ITGAD: variants seen among roughly 807,000 people sequenced by gnomAD.
ITGAD encodes the protein integrin subunit alpha D.
ITGAD carries 105 observed loss-of-function variants against 139.0 expected under a neutral mutation model. The observed-to-expected ratio is 0.76, with a 90% CI of 0.65 to 0.89. ITGAD has a LOEUF of 0.89. ITGAD is among the 40% of genes least tolerant of loss of function. The pLI, the probability that ITGAD is intolerant of heterozygous loss-of-function variation, is 0.00. For synonymous variants in ITGAD, 569 were observed against 598.3 expected (o/e 0.95, Z 0.71); for missense variants, 1,384 against 1,487.3 (o/e 0.93, Z 1.14).
At position 31,407,878 on chromosome 16, in the gene ITGAD, T is replaced by A. The variant is rs1444873222; in HGVS notation, c.971T>A (p.Ile324Asn). The change falls in exon 9 of 30, where the codon ATC (isoleucine) becomes AAC (asparagine). Residue 324 changes from isoleucine to asparagine, a missense_variant. Ile to Asn is a moderately radical substitution (Grantham distance 149). Coordinates refer to ENST00000389202, the MANE Select transcript of ITGAD (RefSeq NM_005353.3). ...GACAACTTTGCAGCCCTTGGCAGCA[T>A]CCAGAAGCAGCTGCAGGAGAAGATC... ...KVDNFAALGSIQKQLQEKIYA... is the reference protein window; with the variant it reads ...KVDNFAALGSNQKQLQEKIYA... 3 of 1,598,638 alleles carry A rather than the reference T, an allele frequency of 1.9e-6. No homozygotes were observed. The South Asian group carries it at 3.3e-5, about 18-fold the overall frequency.
At position 31,424,211 on chromosome 16, in the gene ITGAD, C is replaced by A; in HGVS notation, c.3261+8C>A. ...GCATTTATGAGAGCTCAGGTAGAGA[C>A]CATGTGGAGGGCAGCGACCAGCTGG... On this transcript the variant is annotated splice_region_variant and intron_variant, in intron 28 of 29. Transcript: ENST00000389202. 6.2e-7 allele frequency: 1 copy of A among 1,613,906 alleles called. No individual in the cohort carries two copies. The highest frequency in any genetic ancestry group is 8.5e-7 in the Non-Finnish European group (1 of 1,179,794).
intron 3 of ITGAD, 37 bp downstream of exon 3, chr16:31,397,499 C>T: frequency 6.3e-7 from 1 of 1,580,382 alleles, no homozygotes; most frequent in Middle Eastern, 1.7e-4. Flanking sequence ...CCTCAACCCT[C>T]CTGGACCCAA....
rs1438725981 is a variant in ITGAD at position 31,407,846 on chromosome 16, CA to C, written c.941del (p.Lys314ArgfsTer72). 1 of 1,609,390 alleles carries C rather than the reference CA, an allele frequency of 6.2e-7. No individual in the cohort carries two copies. ...CAGCGCCTCCGCAGGACCACGTGTT[CA>C]AGGTGGACAACTTTGCAGCCCTTGG... ...SSAPPQDHVF[K>X]VDNFAALGSI... On this transcript the variant is annotated frameshift_variant, in exon 9 of 30. Coordinates refer to ENST00000389202, the MANE Select transcript of ITGAD (RefSeq NM_005353.3). LOFTEE classifies it high-confidence loss of function.
intron 16 of ITGAD, 107 bp downstream of exon 16, chr16:31,413,353 A>G: frequency 8.4e-7 from 1 of 1,187,868 alleles, no homozygotes; most frequent in Non-Finnish European, 1.2e-6. Flanking sequence ...CTCCACATTC[A>G]CTCACCACCT....
At position 31,412,853 on chromosome 16, in the gene ITGAD, C is replaced by T. The variant is rs1183602842; in HGVS notation, c.1723C>T (p.Gln575Ter). 7 of 1,614,066 alleles carry T rather than the reference C, an allele frequency of 4.3e-6. No individual in the cohort carries two copies. Among genetic ancestry groups the T allele is most frequent in the Non-Finnish European group, 5.9e-6 (7 of 1,180,030 alleles). Reference protein sequence around the residue: ...PSHSQRIASSQLSPRLQYFGQ... With the variant: ...PSHSQRIASS ...TTCTGGCCAGCGGATTGCCAGCTCCCAGCTCTCCCCCAGGCTGCAGTATTT... is the reference window on the plus strand; with the variant it reads ...TTCTGGCCAGCGGATTGCCAGCTCCTAGCTCTCCCCCAGGCTGCAGTATTT... The change falls in exon 15 of 30, where the codon CAG (glutamine) becomes TAG (stop). Residue 575 changes from glutamine to a stop codon, truncating the protein, a stop_gained. Transcript: ENST00000389202. LOFTEE classifies it high-confidence loss of function.
rs1597116732 is a variant in ITGAD, at chr16:31,402,441, A to G, written c.558+196A>G. 1.8e-5 allele frequency: 8 copies of G among 449,166 alleles called. No individual in the cohort carries two copies. In the East Asian group the frequency reaches 2.6e-4, roughly 15 times the overall value. The allele number at this position is 449,166 out of a possible 1,614,324, so 27.8% of individuals were successfully genotyped here. ...CCTCTTGGCATTTAATAATGTATCCAAAAGCTACAGGAAATACAATGTTTC... is the reference window on the plus strand; with the variant it reads ...CCTCTTGGCATTTAATAATGTATCCGAAAGCTACAGGAAATACAATGTTTC... On this transcript the variant is annotated intron_variant, in intron 6 of 29. Coordinates refer to ENST00000389202, the MANE Select transcript of ITGAD (RefSeq NM_005353.3).
intron 2 of ITGAD, among the ~76,000 whole-genome samples, chr16:31,395,537 T>A (rs1402961370): frequency 6.6e-6 from 1 of 151,500 alleles, no homozygotes; most frequent in Non-Finnish European, 1.5e-5. Context: ...CCCGAGGGAG[T>A]GGGACACTAC....
chr16:31,397,197 C>T (rs1307202768), intron 2 of ITGAD, among the ~76,000 whole-genome samples, 162 bp from the exon 3 acceptor site: 1 of 150,742 alleles, frequency 6.6e-6, no homozygotes, highest in South Asian at 2.1e-4. Flanking sequence ...CTGTGAGTTA[C>T]ACTTGGGCCC....
Position 31,403,611 on chromosome 16 carries a change from C to G in ITGAD, c.670C>G (p.Leu224Val). 1 of 1,614,180 alleles carries G rather than the reference C, an allele frequency of 6.2e-7. No homozygotes were observed. Residue 224 changes from leucine to valine, a missense_variant, in exon 7 of 30, where the codon CTG (leucine) becomes GTG (valine). Leu to Val is a conservative substitution (Grantham distance 32, BLOSUM62 1). Coordinates refer to ENST00000389202, the MANE Select transcript of ITGAD (RefSeq NM_005353.3). The surrounding 1 kb of genome is among the most constrained non-coding windows in gnomAD (Gnocchi z 4.4). ...GGATCCCATCGTCCAACTGAAAGGCCTGACGTTCACGGCCACGGGCATCCT... is the reference window on the plus strand; with the variant it reads ...GGATCCCATCGTCCAACTGAAAGGCGTGACGTTCACGGCCACGGGCATCCT... ...LVDPIVQLKG[L>V]TFTATGILTV...
intron 10 of ITGAD, among the ~76,000 whole-genome samples, chr16:31,409,614 A>T (rs1291156991): frequency 6.6e-6 from 1 of 152,160 alleles, no homozygotes; most frequent in South Asian, 2.1e-4. Context: ...GGCGACATTG[A>T]CGTTGACTTT....
rs1285488790 is a variant in ITGAD, at chr16:31,416,646, G to A, written c.2499G>A (p.Gln833=). The change falls in exon 20 of 30, where the codon CAG becomes CAA. Residue 833 remains glutamine, a splice_region_variant and synonymous_variant. Coordinates refer to ENST00000389202, the MANE Select transcript of ITGAD (RefSeq NM_005353.3). The part of the protein sequence containing the change: ...GLSHRRVSGA[Q]KQPHQSALRL... Reference sequence around the variant, plus strand: ...CGCACCGACGGGTGTCAGGAGCCCAGGTAACAACTGCTGTAGGCTCTAGTG... The same window carrying A: ...CGCACCGACGGGTGTCAGGAGCCCAAGTAACAACTGCTGTAGGCTCTAGTG... The A allele has an allele frequency of 6.2e-7, 1 of 1,606,472 alleles. No homozygotes were observed. The highest frequency in any genetic ancestry group is 1.3e-5 in the African/African-American group (1 of 74,814).
rs1303837397 is a variant in ITGAD at position 31,407,850 on chromosome 16, G to A, written c.943G>A (p.Val315Met). 5.0e-6 allele frequency: 8 copies of A among 1,608,448 alleles called. No homozygotes were observed. The highest frequency in any genetic ancestry group is 1.1e-5 in the South Asian group (1 of 90,988). The change falls in exon 9 of 30, where the codon GTG (valine) becomes ATG (methionine). Residue 315 changes from valine to methionine, a missense_variant. Physicochemically the swap from Val to Met is conservative, Grantham distance 21. Coordinates refer to ENST00000389202, the MANE Select transcript of ITGAD (RefSeq NM_005353.3). ...GCCTCCGCAGGACCACGTGTTCAAG[G>A]TGGACAACTTTGCAGCCCTTGGCAG... ...SAPPQDHVFK[V>M]DNFAALGSIQ...
chr16:31,422,405 G>C (rs2082025862), intron 23 of ITGAD, among the ~76,000 whole-genome samples: 1 of 152,126 alleles, frequency 6.6e-6, no homozygotes. Flanking sequence ...CCTTCCACAG[G>C]CTTGTGCACA....
Position 31,406,633 on chromosome 16 carries a change from C to T in ITGAD, c.705-882C>T, listed in dbSNP as rs145049786. On this transcript the variant is annotated intron_variant, in intron 7 of 29. Transcript: ENST00000389202. ...GGCTGAGCCTCTTATTTCAGGTGGC[C>T]TTCCTCCATGGGTGCCTCCAATAAG... Among the ~76,000 whole-genome samples, 834 of 152,286 alleles carry T rather than the reference C, an allele frequency of 5.5e-3. 6 individuals carry two copies. Among genetic ancestry groups the T allele is most frequent in the Non-Finnish European group, 9.1e-3 (622 of 68,034 alleles).
Position 31,424,223 on chromosome 16 carries a change from C to A in ITGAD, c.3261+20C>A, listed in dbSNP as rs1037573703. ...GCTCAGGTAGAGACCATGTGGAGGG[C>A]AGCGACCAGCTGGAAAGAGGACCCC... On this transcript the variant is annotated intron_variant, in intron 28 of 29. Coordinates refer to ENST00000389202, the MANE Select transcript of ITGAD (RefSeq NM_005353.3). 3.7e-6 allele frequency: 6 copies of A among 1,613,346 alleles called. No individual in the cohort carries two copies. In the African/African-American group the frequency reaches 4.0e-5, roughly 11 times the overall value.
chr16:31,411,578 A>T, intron 14 of ITGAD, 61 bp downstream of exon 14: 1 of 1,517,320 alleles, frequency 6.6e-7, no homozygotes, highest in South Asian at 1.1e-5. Flanking sequence ...AGTTCACTGA[A>T]CGCAGCCTCC....
rs1284784365 is a variant in ITGAD at position 31,423,450 on chromosome 16, C to A, written c.2958C>A (p.Ala986=). Residue 986 remains alanine, a synonymous_variant, in exon 25 of 30, where the codon GCC becomes GCA. Transcript: ENST00000389202. ...GVAVWDVVME[A]PSQSLPCVSE... ...CTGTGTGGGATGTGGTCATGGAGGC[C>A]CCATCTCAGGTACCCGCCTATCTCT... 1 of 1,613,882 alleles carries A rather than the reference C, an allele frequency of 6.2e-7. No individual in the cohort carries two copies. Among genetic ancestry groups the A allele is most frequent in the Admixed American group, 1.7e-5 (1 of 60,020 alleles).
In ITGAD at chr16:31,423,966, G is replaced by A. The variant is rs750765425; in HGVS notation, c.3159+8G>A. The A allele has an allele frequency of 1.2e-6, 2 of 1,613,884 alleles. No individual in the cohort carries two copies. The highest frequency in any genetic ancestry group is 1.7e-6 in the Non-Finnish European group (2 of 1,179,826). On this transcript the variant is annotated splice_region_variant and intron_variant, in intron 27 of 29. Transcript: ENST00000389202. ...TTCGGCTGGGTCCGCGAGGTGTGTG[G>A]GGGCAGCGGCAGAGCCCCTGCCCCA...
rs987921077 is a variant in ITGAD, at chr16:31,407,512, C to G, written c.705-3C>G. On this transcript the variant is annotated splice_region_variant and splice_polypyrimidine_tract_variant and intron_variant, in intron 7 of 29. Transcript: ENST00000389202. ...AGAGTCATCTTCCTTTCCTCCCCGA[C>G]AGGACACAGCTATTTCATCATAAGA... 7 of 1,570,846 alleles carry G rather than the reference C, an allele frequency of 4.5e-6. No individual in the cohort carries two copies. The highest frequency in any genetic ancestry group is 8.6e-7 in the Non-Finnish European group (1 of 1,157,062).
Sources: allele counts gnomAD v4.1 joint callset (sites outside exome capture counted in the v4.1 genomes callset), GRCh38; gene constraint gnomAD v4.1.1; non-coding constraint Gnocchi (gnomAD v3.1); transcripts MANE v1.5; gene names NCBI Gene and HGNC (gene_info 2026-07-23, HGNC 2026-07-21).